Variants in PPP4R3B observed in about 807,000 individuals in gnomAD.
The protein encoded by PPP4R3B is serine/threonine-protein phosphatase 4 regulatory subunit 3B.
PPP4R3B carries 52 observed loss-of-function variants against 95.4 expected under a neutral mutation model. That is an observed-to-expected ratio of 0.54 (90% CI 0.44 to 0.69). The LOEUF is 0.69. PPP4R3B is among the 30% of genes least tolerant of loss of function. The probability of loss-of-function intolerance (pLI) is 0.00; values close to 1 mark genes in which losing one functional copy is unlikely to be tolerated. For missense variants in PPP4R3B, 1,003 were observed against 1,005.9 expected (o/e 1.00, Z 0.04); for synonymous variants, 407 against 343.9 (o/e 1.18, Z -2.03).
chr2:55,593,933 C>A (rs183627598), intron 4 of PPP4R3B, among the ~76,000 whole-genome samples: 1 of 152,018 alleles, frequency 6.6e-6, no homozygotes, highest in Non-Finnish European at 1.5e-5. Flanking sequence ...AACAGATGAT[C>A]AGACAAAGAA....
intron 11 of PPP4R3B, among the ~76,000 whole-genome samples, chr2:55,574,018 A>T (rs1688336286): frequency 6.6e-6 from 1 of 151,028 alleles, no homozygotes. Flanking sequence ...CTGCCAGAGT[A>T]GCTGGAACTA....
chr2:55,617,186 C>T lies in PPP4R3B; in HGVS notation c.100G>A (p.Glu34Lys), dbSNP rs759008975. The T allele has an allele frequency of 5.6e-6, 9 of 1,614,016 alleles. No individual in the cohort carries two copies. Among genetic ancestry groups the T allele is most frequent in the Non-Finnish European group, 7.6e-6 (9 of 1,179,922 alleles). Reference protein sequence around the residue: ...TGHVSSTYVEELKGMSLLVRA... With the variant: ...TGHVSSTYVEKLKGMSLLVRA... ...ACCAGCAGCGACATCCCCTTGAGCT[C>T]CTCCACGTAAGTGGAGGAGACGTGC... The change falls in exon 1 of 17, where the codon GAG becomes AAG. Residue 34 changes from glutamate (E) to lysine (K), a missense_variant. Around this residue, in one of 3 missense-constraint regions of PPP4R3B, gnomAD observed 695 missense variants for 686.2 expected, o/e 1.01. Transcript: ENST00000616407.
Position 55,547,422 on chromosome 2 carries a change from T to C in PPP4R3B, c.*2489A>G, listed in dbSNP as rs1045547239. 4 of 152,134 alleles carry C rather than the reference T, an allele frequency of 2.6e-5. No homozygotes were observed. Among genetic ancestry groups the C allele is most frequent in the African/African-American group, 9.7e-5 (4 of 41,410 alleles). 9.4% of individuals were successfully genotyped at this position (152,134 alleles called of 1,614,324 possible). ...GCTTCACTGAATGAAGATAAAGATA[T>C]AAAAACCCAGATCTGCCTGAGGGTA... On this transcript the variant is annotated 3_prime_UTR_variant, in exon 17 of 17. Transcript: ENST00000616407.
At chr2:55,569,458 A>C (rs1204646003) in intron 12 of PPP4R3B, among the ~76,000 whole-genome samples, 1 of 152,196 alleles carries the variant, frequency 6.6e-6, no homozygotes, top group Non-Finnish European at 1.5e-5. Context: ...TCACGCTCCT[A>C]GTCCACCTTT....
At chr2:55,553,320 T>G (rs1295601858) in intron 16 of PPP4R3B, among the ~76,000 whole-genome samples, 1 of 152,146 alleles carries the variant, frequency 6.6e-6, no homozygotes, top group Non-Finnish European at 1.5e-5. Flanking sequence ...TTACAAGGTG[T>G]AAGAGACTAG....
In PPP4R3B at chr2:55,568,223, C is replaced by T; in HGVS notation, c.1906G>A (p.Val636Ile). The T allele has an allele frequency of 6.4e-7, 1 of 1,573,920 alleles. No homozygotes were observed. Among genetic ancestry groups the T allele is most frequent in the Non-Finnish European group, 8.6e-7 (1 of 1,161,278 alleles). Residue 636 changes from valine to isoleucine, a missense_variant, in exon 13 of 17, where the codon GTT becomes ATT. By Grantham distance (29) the Val-to-Ile change is conservative. Transcript: ENST00000616407. ...GTRYNLLNSAVIELFEFIRVE... is the reference protein window; with the variant it reads ...GTRYNLLNSAIIELFEFIRVE... ...CTTATAAATTCAAACAACTCAATAA[C>T]AGCTGAATTCAACAGATTATACCGA...
At chr2:55,591,348 G>C (rs1690997236) in intron 4 of PPP4R3B, among the ~76,000 whole-genome samples, 2 of 150,906 alleles carry the variant, frequency 1.3e-5, no homozygotes, top group African/African-American at 4.9e-5. Flanking sequence ...TCACTTTGTT[G>C]CCCAGGCTGG....
chr2:55,578,616 T>A (rs1318389136), intron 9 of PPP4R3B, among the ~76,000 whole-genome samples: 2 of 152,070 alleles, frequency 1.3e-5, no homozygotes, highest in African/African-American at 4.8e-5. Context: ...TTCCATTATA[T>A]GAAAAAAACA....
chr2:55,606,738 G>A (rs1014880678), intron 2 of PPP4R3B, among the ~76,000 whole-genome samples: 1 of 149,530 alleles, frequency 6.7e-6, no homozygotes, highest in African/African-American at 2.5e-5. Context: ...CAGGAGAATC[G>A]CTTGAACCCG....
chr2:55,579,636 C>CT, intron 9 of PPP4R3B, 43 bp downstream of exon 9: 1 of 1,356,800 alleles, frequency 7.4e-7, no homozygotes. Flanking sequence ...TCTCATCCTT[C>CT]TTTAAAAACA....
intron 4 of PPP4R3B, among the ~76,000 whole-genome samples, chr2:55,597,292 G>C (rs1217971385): frequency 6.6e-6 from 1 of 152,048 alleles, no homozygotes. Flanking sequence ...TTCGAGACCA[G>C]CCTGACCAAC....
intron 12 of PPP4R3B, among the ~76,000 whole-genome samples, chr2:55,568,668 T>C (rs1292660843): frequency 2.6e-5 from 4 of 152,212 alleles, no homozygotes; most frequent in Non-Finnish European, 5.9e-5. Flanking sequence ...GGCAGGTAGC[T>C]CTGTGACAGA....
chr2:55,587,185 C>T (rs1418360428), intron 5 of PPP4R3B, among the ~76,000 whole-genome samples: 4 of 152,100 alleles, frequency 2.6e-5, no homozygotes, highest in Non-Finnish European at 5.9e-5. Flanking sequence ...GCTGGATTTG[C>T]CTATTGGTCT....
intron 12 of PPP4R3B, 77 bp downstream of exon 12, chr2:55,573,542 T>C: frequency 7.7e-7 from 1 of 1,294,466 alleles, no homozygotes; most frequent in Non-Finnish European, 1.1e-6. Flanking sequence ...TATACACTGC[T>C]AATAAATAAC....
At chr2:55,576,190 T>C (rs920272771) in intron 11 of PPP4R3B, among the ~76,000 whole-genome samples, 2 of 151,698 alleles carry the variant, frequency 1.3e-5, no homozygotes, top group Non-Finnish European at 2.9e-5. Flanking sequence ...CTAATAAAAA[T>C]ACAAAAAAAT....
At chr2:55,616,014 T>G (rs1185793821) in intron 1 of PPP4R3B, among the ~76,000 whole-genome samples, 3 of 149,530 alleles carry the variant, frequency 2.0e-5, no homozygotes, top group Non-Finnish European at 4.4e-5. Context: ...TCTAAAATAT[T>G]TCACCCTATT....
At chr2:55,569,308 G>A (rs886555790) in intron 12 of PPP4R3B, among the ~76,000 whole-genome samples, 2 of 152,070 alleles carry the variant, frequency 1.3e-5, no homozygotes, top group Non-Finnish European at 2.9e-5. Context: ...AGCAGACCGG[G>A]AAAGGGAGTC....
chr2:55,577,796 A>C (rs1261393357), intron 10 of PPP4R3B, among the ~76,000 whole-genome samples: 1 of 152,092 alleles, frequency 6.6e-6, no homozygotes, highest in Non-Finnish European at 1.5e-5. Flanking sequence ...AGAATAATGA[A>C]TGTGTTTATG....
chr2:55,609,673 A>C lies in PPP4R3B; in HGVS notation c.199-5597T>G, dbSNP rs572113264. 3.1e-3 allele frequency among the ~76,000 whole-genome samples: 472 copies of C among 151,994 alleles called. 4 individuals are homozygous for C. Among genetic ancestry groups the C allele is most frequent in the African/African-American group, 0.011 (446 of 41,486 alleles). ...ACAAAGCAAGACTGTGTCTCAAAAA[A>C]AAAAAAAACAAAAAAAACAAAAAAA... On this transcript the variant is annotated intron_variant, in intron 2 of 16. Coordinates refer to ENST00000616407, the MANE Select transcript of PPP4R3B (RefSeq NM_001122964.3).
Sources: allele counts gnomAD v4.1 joint callset (sites outside exome capture counted in the v4.1 genomes callset), GRCh38; gene constraint gnomAD v4.1.1; regional missense constraint gnomAD v4.1.1; transcripts MANE v1.5; gene names NCBI Gene and HGNC (gene_info 2026-07-23, HGNC 2026-07-21).